Variants in KANSL1 observed in about 807,000 individuals in gnomAD.
The protein encoded by KANSL1 is KAT8 regulatory NSL complex subunit 1, also known as MLL1/MLL complex subunit KANSL1.
A neutral mutation model predicts 103.6 loss-of-function variants in KANSL1; 22 were observed. The ratio of observed to expected loss-of-function variants is 0.21; its 90% confidence interval spans 0.15 to 0.30. KANSL1 has a LOEUF of 0.30. Among genes scored for constraint, KANSL1 ranks in the 10% least tolerant of loss-of-function variants. KANSL1 has a pLI of 1.00. For missense variants in KANSL1, 1,337 were observed against 1,399.8 expected, an observed-to-expected ratio of 0.96 and a Z score of 0.72; for synonymous variants, 600 against 527.6, an observed-to-expected ratio of 1.14 and a Z score of -1.88.
At chr17:46,113,309 G>A (rs2042903126) in intron 2 of KANSL1, among the ~76,000 whole-genome samples, 1 of 152,124 alleles carries the variant, frequency 6.6e-6, no homozygotes, top group African/African-American at 2.4e-5. Context: ...ATGGCCCCAC[G>A]TGTTTGCAGG....
chr17:46,031,763 A>G, intron 14 of KANSL1, 60 bp from the exon 15 acceptor site: 2 of 1,448,422 alleles, frequency 1.4e-6, no homozygotes, highest in Admixed American at 1.9e-5. Flanking sequence ...TTCCTGCTCC[A>G]AGGCCCTGCC....
At chr17:46,196,754 T>C (rs2047623631), upstream of KANSL1, 1 of 248,758 alleles carries the variant, frequency 4.0e-6, no homozygotes, top group Non-Finnish European at 7.9e-6. Flanking sequence ...TTAGTATTTG[T>C]ATCTTACTTT....
intron 6 of KANSL1, among the ~76,000 whole-genome samples, chr17:46,061,908 A>G (rs1411843442): frequency 6.6e-6 from 1 of 152,136 alleles, no homozygotes; most frequent in Admixed American, 6.5e-5. Context: ...CCTGGCCAAC[A>G]TGGTGAAACC....
intron 4 of KANSL1, among the ~76,000 whole-genome samples, chr17:46,070,046 T>C (rs941267611): frequency 6.6e-6 from 1 of 152,222 alleles, no homozygotes; most frequent in African/African-American, 2.4e-5. Flanking sequence ...AGCAACACGG[T>C]ATTAAGCAGC....
intron 7 of KANSL1, chr17:46,041,915 T>TG (rs1491335810): frequency 7.7e-5 from 7 of 91,272 alleles, no homozygotes; most frequent in African/African-American, 3.4e-4. Flanking sequence ...TGTGTGTATA[T>TG]TTTTTTTTTT....
chr17:46,101,579 G>A (rs989960860), intron 2 of KANSL1, among the ~76,000 whole-genome samples: 5 of 151,594 alleles, frequency 3.3e-5, no homozygotes, highest in East Asian at 1.9e-4. Context: ...GTGAAACCCC[G>A]TCTCTACTAA....
intron 6 of KANSL1, among the ~76,000 whole-genome samples, chr17:46,054,589 C>T (rs747401318): frequency 3.9e-5 from 6 of 152,194 alleles, no homozygotes; most frequent in Non-Finnish European, 5.9e-5. Flanking sequence ...TCTCATCTCA[C>T]GAGGAATAGA....
chr17:46,082,882 C>A (rs916792045), intron 3 of KANSL1, among the ~76,000 whole-genome samples: 16 of 152,114 alleles, frequency 1.1e-4, no homozygotes, highest in Non-Finnish European at 1.9e-4. Flanking sequence ...AGCAGCAATG[C>A]AGTTTTTGTA....
chr17:46,086,626 G>C (rs1160567202), intron 3 of KANSL1, among the ~76,000 whole-genome samples: 1 of 152,154 alleles, frequency 6.6e-6, no homozygotes, highest in Non-Finnish European at 1.5e-5. Flanking sequence ...ATGCTAGAGA[G>C]AACAAAATAT....
At position 46,171,327 on chromosome 17, in the gene KANSL1, T is replaced by C. The variant is rs769802260; in HGVS notation, c.817A>G (p.Ile273Val). The C allele has an allele frequency of 1.6e-5, 26 of 1,614,046 alleles. No homozygotes were observed. Among genetic ancestry groups the C allele is most frequent in the Non-Finnish European group, 2.2e-5 (26 of 1,180,046 alleles). ...TCAGAATCTAAAGCACTGAAAAGAA[T>C]GGAAGACAGGGGAGACTTTTTACCC... Reference protein sequence around the residue: ...LEGKKSPLSSILFSALDSDTR... With the variant: ...LEGKKSPLSSVLFSALDSDTR... The change falls in exon 2 of 15, where the codon ATT becomes GTT. Residue 273 changes from isoleucine (I) to valine (V), a missense_variant. Transcript: ENST00000432791.
chr17:46,070,114 T>C (rs1156296900), intron 4 of KANSL1, among the ~76,000 whole-genome samples: 1 of 152,212 alleles, frequency 6.6e-6, no homozygotes, highest in Admixed American at 6.5e-5. Context: ...TTTTTAAAAA[T>C]CTACCCTAAA....
chr17:46,146,590 T>G (rs886467616), intron 2 of KANSL1, among the ~76,000 whole-genome samples: 2 of 147,302 alleles, frequency 1.4e-5, no homozygotes, highest in Non-Finnish European at 3.1e-5. Context: ...TCCCAGCACT[T>G]TGGGAGGCCG....
intron 1 of KANSL1, among the ~76,000 whole-genome samples, chr17:46,183,574 A>G (rs181241412): frequency 1.8e-5 from 2 of 110,454 alleles, no homozygotes; most frequent in South Asian, 2.5e-4. Flanking sequence ...AGGAGAGAGG[A>G]GAGAGGAGAG....
chr17:46,183,672 C>A (rs893743311), intron 1 of KANSL1, among the ~76,000 whole-genome samples: 1 of 151,268 alleles, frequency 6.6e-6, no homozygotes, highest in Admixed American at 6.6e-5. Context: ...GGAGTAGGGC[C>A]GGGAGAGGTG....
chr17:46,049,846 A>T (rs117058813), intron 7 of KANSL1: 1 of 152,208 alleles, frequency 6.6e-6, no homozygotes, highest in African/African-American at 2.4e-5. Flanking sequence ...TACCACATAA[A>T]TGCCAGTATG....
intron 2 of KANSL1, chr17:46,169,665 C>T (rs2046181673): frequency 6.6e-6 from 1 of 152,248 alleles, no homozygotes; most frequent in South Asian, 2.1e-4. Flanking sequence ...TTTCCAACTC[C>T]TCATGCTCTC....
chr17:46,031,230 G>T lies in KANSL1; in HGVS notation c.*246C>A. ...GGATGTGCCAGGACCAGGCCAGCAG[G>T]GTCTCATCCTGAACTTCTGTTTGCC... On this transcript the variant is annotated 3_prime_UTR_variant, in exon 15 of 15. Transcript: ENST00000432791. 1 of 580,092 alleles carries T rather than the reference G, an allele frequency of 1.7e-6. No individual in the cohort carries two copies. The allele number at this position is 580,092 out of a possible 1,614,324, so 35.9% of individuals were successfully genotyped here.
At chr17:46,054,134 C>A (rs1216577700) in intron 6 of KANSL1, among the ~76,000 whole-genome samples, 2 of 151,850 alleles carry the variant, frequency 1.3e-5, no homozygotes, top group Non-Finnish European at 2.9e-5. Flanking sequence ...AAAAAAAAAA[C>A]AAGGATCTCC....
chr17:46,048,300 C>T (rs1431369958), intron 7 of KANSL1, among the ~76,000 whole-genome samples: 2 of 152,028 alleles, frequency 1.3e-5, no homozygotes, highest in East Asian at 3.9e-4. Context: ...GGTGCAGTGG[C>T]TCCTGACTGT....
Sources: allele counts gnomAD v4.1 joint callset (sites outside exome capture counted in the v4.1 genomes callset), GRCh38; gene constraint gnomAD v4.1.1; transcripts MANE v1.5; gene names NCBI Gene and HGNC (gene_info 2026-07-23, HGNC 2026-07-21).